Variants in UBXN8 observed in about 807,000 individuals in gnomAD.
UBXN8 encodes the protein UBX domain protein 8, also known as UBX domain-containing protein 8.
In UBXN8, 27 loss-of-function variants were observed where a neutral mutation model predicts 32.1. The ratio of observed to expected loss-of-function variants is 0.84; its 90% confidence interval spans 0.62 to 1.16. The LOEUF (loss-of-function observed/expected upper bound fraction) is 1.16, where lower values mean the gene tolerates loss of function less well. UBXN8 is among the 50% of genes most tolerant of loss of function. The probability of loss-of-function intolerance (pLI) is 0.00; values close to 1 mark genes in which losing one functional copy is unlikely to be tolerated. For missense variants in UBXN8, 306 were observed against 311.4 expected, an observed-to-expected ratio of 0.98 and a Z score of 0.13; for synonymous variants, 109 against 111.8, an observed-to-expected ratio of 0.98 and a Z score of 0.16.
intron 5 of UBXN8, among the ~76,000 whole-genome samples, chr8:30,759,687 T>C (rs1419155492): frequency 6.7e-6 from 1 of 149,148 alleles, no homozygotes; most frequent in East Asian, 2.1e-4. Flanking sequence ...CCGGGTGTGG[T>C]GGCTCACGCC....
chr8:30,749,131 T>C (rs1805444197), intron 1 of UBXN8, among the ~76,000 whole-genome samples: 1 of 152,090 alleles, frequency 6.6e-6, no homozygotes, highest in African/African-American at 2.4e-5. Flanking sequence ...CGGTGGCTCA[T>C]GCCTGTAATC....
At chr8:30,734,360 G>C (rs906400428) in intron 1 of UBXN8, 1 of 152,204 alleles carries the variant, frequency 6.6e-6, no homozygotes, top group Non-Finnish European at 1.5e-5. Context: ...GCTCACACTT[G>C]TAATCCCAGC....
At chr8:30,761,248 CT>C (rs1165325480) in intron 6 of UBXN8, among the ~76,000 whole-genome samples, 3,078 of 143,704 alleles carry the variant, frequency 0.021, 76 homozygotes, top group African/African-American at 0.066. Context: ...GCTGAGTTGT[CT>C]TTTTTTTTTT....
At chr8:30,738,084 C>T (rs1385448359) in intron 1 of UBXN8, among the ~76,000 whole-genome samples, 1 of 130,082 alleles carries the variant, frequency 7.7e-6, no homozygotes, top group Non-Finnish European at 1.7e-5. Context: ...TATGGTGAAA[C>T]CCTGTGTCTA....
Position 30,747,199 on chromosome 8 carries a change from A to G in UBXN8, c.88+2922A>G, listed in dbSNP as rs1369588438. Among the ~76,000 whole-genome samples the G allele has an allele frequency of 2.1e-5, 3 of 141,282 alleles. 1 individual carries two copies. Among genetic ancestry groups the G allele is most frequent in the African/African-American group, 8.2e-5 (3 of 36,706 alleles). The allele number at this position is 141,282 out of a possible 152,430, so 92.7% of individuals were successfully genotyped here. A position where few individuals can be genotyped will look rare whatever the true frequency, so the allele number is the denominator to read the frequency against. On this transcript the variant is annotated intron_variant, in intron 1 of 7. Transcript: ENST00000265616. The stretch of plus-strand genomic sequence containing the variant: ...AAAACCTTAAAATTTTTTTTCTTTA[A>G]AGGTATACACACAAATATAGTTCTT...
At chr8:30,729,177 A>G (rs200112424), upstream of UBXN8, among the ~76,000 whole-genome samples, 9,135 of 152,134 alleles carry the variant, frequency 0.06, 773 homozygotes, top group African/African-American at 0.19. Flanking sequence ...CCCTGCGGGG[A>G]ACTCCCGCCA....
chr8:30,754,742 A>G lies in UBXN8; in HGVS notation c.360A>G (p.Gln120=). Residue 120 remains glutamine (Q), a synonymous_variant, in exon 4 of 8, where the codon CAA becomes CAG. Transcript: ENST00000265616. ...KLRKLEERFY[Q]MTGEAWKLSS... ...GAAAACTGGAGGAGCGCTTTTATCA[A>G]ATGACGGGTGAAGCCTGGAAATTAA... 6.4e-7 allele frequency: 1 copy of G among 1,563,002 alleles called. No individual in the cohort carries two copies. The highest frequency in any genetic ancestry group is 8.6e-7 in the Non-Finnish European group (1 of 1,164,814).
rs959523359 is a variant in UBXN8, at chr8:30,756,899, C to A, written c.528+12C>A. Reference sequence around the variant, plus strand: ...CCACATGCAAGGAGGTAAAGTACTTCATGCCTCTCATTGAATTGTGTCTGT... The same window carrying A: ...CCACATGCAAGGAGGTAAAGTACTTAATGCCTCTCATTGAATTGTGTCTGT... On this transcript the variant is annotated intron_variant, in intron 5 of 7. Transcript: ENST00000265616. The A allele has an allele frequency of 6.2e-7, 1 of 1,613,506 alleles. No individual in the cohort carries two copies. The highest frequency in any genetic ancestry group is 1.3e-5 in the African/African-American group (1 of 74,922).
chr8:30,734,014 C>T (rs1805022825), intron 1 of UBXN8: 1 of 152,272 alleles, frequency 6.6e-6, no homozygotes, highest in South Asian at 2.1e-4. Flanking sequence ...CAACTACCAA[C>T]TGCACAACAA....
intron 1 of UBXN8, among the ~76,000 whole-genome samples, chr8:30,747,188 T>C (rs1805383775): frequency 7.1e-6 from 1 of 140,640 alleles, no homozygotes; most frequent in Non-Finnish European, 1.5e-5. Flanking sequence ...CCTTAAAATT[T>C]TTTTTCTTTA....
At chr8:30,754,818 A>G (rs1805609727) in intron 4 of UBXN8, 31 bp downstream of exon 4, 17 of 1,552,168 alleles carry the variant, frequency 1.1e-5, no homozygotes, top group African/African-American at 1.4e-5. Flanking sequence ...TATATTTTGA[A>G]TCCTCTTACT....
rs576560629 is a variant in UBXN8 at position 30,754,682 on chromosome 8, G to C, written c.300G>C (p.Glu100Asp). Reference protein sequence around the residue: ...AQGEKASRYIENVLKPHQEMK... With the variant: ...AQGEKASRYIDNVLKPHQEMK... ...TTCAACAGGCCAGCAGATACATAGA[G>C]AATGTTTTAAAACCTCACCAGGAAA... The change falls in exon 4 of 8, where the codon GAG becomes GAC. Residue 100 changes from glutamate (E) to aspartate (D), a missense_variant. By Grantham distance (45) the Glu-to-Asp change is conservative. Transcript: ENST00000265616. 1.3e-6 allele frequency: 2 copies of C among 1,557,182 alleles called. No homozygotes were observed. The highest frequency in any genetic ancestry group is 2.8e-5 in the African/African-American group (2 of 70,602).
At chr8:30,752,925 C>T in intron 2 of UBXN8, 110 bp from the exon 3 acceptor site, 1 of 1,227,272 alleles carries the variant, frequency 8.1e-7, no homozygotes, top group Non-Finnish European at 1.1e-6. Context: ...TAGGGTCTCC[C>T]CATCATAGAC....
upstream of UBXN8, among the ~76,000 whole-genome samples, chr8:30,742,615 T>C (rs1049699262): frequency 1.3e-5 from 2 of 152,124 alleles, no homozygotes; most frequent in African/African-American, 2.4e-5. Flanking sequence ...GTGCTGAGAA[T>C]ACAGGAGTGA....
At chr8:30,737,038 A>G (rs1687327904) in intron 1 of UBXN8, among the ~76,000 whole-genome samples, 1 of 152,202 alleles carries the variant, frequency 6.6e-6, no homozygotes, top group Non-Finnish European at 1.5e-5. Flanking sequence ...AAATATTCAT[A>G]TAAGGGATTA....
intron 1 of UBXN8, among the ~76,000 whole-genome samples, chr8:30,745,704 G>A (rs1236869494): frequency 6.6e-6 from 1 of 152,142 alleles, no homozygotes; most frequent in Non-Finnish European, 1.5e-5. Context: ...CACCATTTCC[G>A]CAATTCACCT....
chr8:30,741,913 AT>A (rs1329695870), upstream of UBXN8, among the ~76,000 whole-genome samples: 1 of 152,136 alleles, frequency 6.6e-6, no homozygotes, highest in East Asian at 1.9e-4. Flanking sequence ...GTAAATTTGG[AT>A]TGGTTAGGAA....
intron 1 of UBXN8, among the ~76,000 whole-genome samples, chr8:30,735,560 C>T (rs187747225): frequency 4.6e-5 from 7 of 152,126 alleles, no homozygotes; most frequent in East Asian, 1.9e-4. Context: ...AAAACAACGC[C>T]GAGCTCAGTG....
chr8:30,746,653 G>T (rs1805369130), intron 1 of UBXN8, among the ~76,000 whole-genome samples: 1 of 137,572 alleles, frequency 7.3e-6, no homozygotes, highest in South Asian at 2.6e-4. Flanking sequence ...CTCCTGAGTA[G>T]CTGGGACTAC....
Sources: gnomAD v4.1 joint callset for allele counts (sites outside exome capture counted in the v4.1 genomes callset) on GRCh38, gnomAD v4.1.1 for gene constraint, MANE v1.5 for transcripts, NCBI Gene and HGNC (gene_info 2026-07-23, HGNC 2026-07-21) for gene names.